Variants in LRRC4C observed in about 807,000 individuals in gnomAD.
The protein encoded by LRRC4C is leucine-rich repeat-containing protein 4C.
In LRRC4C, 5 loss-of-function variants were observed where a neutral mutation model predicts 33.6. The observed-to-expected ratio is 0.15, with a 90% CI of 0.08 to 0.31. The LOEUF is 0.31. LRRC4C is among the 10% of genes least tolerant of loss of function. The probability of loss-of-function intolerance (pLI) is 1.00; values close to 1 mark genes in which losing one functional copy is unlikely to be tolerated. For missense variants in LRRC4C, 560 were observed against 796.7 expected (o/e 0.70, Z 3.58); for synonymous variants, 329 against 302.0 (o/e 1.09, Z -0.93).
intron 2 of LRRC4C, among the ~76,000 whole-genome samples, chr11:40,678,827 G>T (rs1054775933): frequency 1.3e-5 from 2 of 152,124 alleles, no homozygotes; most frequent in Non-Finnish European, 2.9e-5. Context: ...TTTATTAGCA[G>T]CATGAGAACG....
intron 3 of LRRC4C, among the ~76,000 whole-genome samples, chr11:40,538,214 C>T (rs1468276708): frequency 6.6e-6 from 1 of 152,098 alleles, no homozygotes; most frequent in Non-Finnish European, 1.5e-5. Flanking sequence ...CTGCCGCTCT[C>T]ATCACTCTGA....
At chr11:40,349,330 C>G (rs915884244) in intron 3 of LRRC4C, among the ~76,000 whole-genome samples, 1 of 152,016 alleles carries the variant, frequency 6.6e-6, no homozygotes, top group Admixed American at 6.6e-5. Context: ...TTTGTCTTTC[C>G]GTGTCAGGCT....
intron 3 of LRRC4C, among the ~76,000 whole-genome samples, chr11:40,537,621 G>GC (rs1956530709): frequency 1.3e-5 from 2 of 152,006 alleles, no homozygotes; most frequent in Non-Finnish European, 2.9e-5. Flanking sequence ...AGGAAGTTTG[G>GC]CCCCTACCCC....
intron 2 of LRRC4C, among the ~76,000 whole-genome samples, chr11:40,716,137 T>C (rs1028525839): frequency 2.6e-5 from 4 of 151,934 alleles, no homozygotes; most frequent in African/African-American, 9.7e-5. Flanking sequence ...GAAATTCAAA[T>C]GCCACTCAAA....
intron 1 of LRRC4C, among the ~76,000 whole-genome samples, chr11:41,036,283 C>T (rs1460783288): frequency 1.3e-5 from 2 of 152,004 alleles, no homozygotes; most frequent in Admixed American, 1.3e-4. Flanking sequence ...TTTTAAGATG[C>T]TAGGCAATGA....
At chr11:41,420,028 G>A (rs972807455) in intron 1 of LRRC4C, among the ~76,000 whole-genome samples, 1 of 151,854 alleles carries the variant, frequency 6.6e-6, no homozygotes, top group Non-Finnish European at 1.5e-5. Flanking sequence ...TCGATGCGGT[G>A]GGAGAAGTGC....
Position 40,580,249 on chromosome 11 carries a change from G to A in LRRC4C, c.-270+67893C>T, listed in dbSNP as rs565833241. 6.3e-4 allele frequency among the ~76,000 whole-genome samples: 96 copies of A among 152,242 alleles called. 1 individual carries two copies. Among genetic ancestry groups the A allele is most frequent in the African/African-American group, 2.2e-3 (92 of 41,538 alleles). On this transcript the variant is annotated intron_variant, in intron 3 of 6. Transcript: ENST00000528697. ...GAGGCCTCAGGAAACTTACAATCAT[G>A]GTGGAAGGTGAAGGGGAAGCAAGGA...
At chr11:40,638,561 G>A (rs1175618124) in intron 3 of LRRC4C, among the ~76,000 whole-genome samples, 1 of 152,158 alleles carries the variant, frequency 6.6e-6, no homozygotes, top group African/African-American at 2.4e-5. Context: ...GAAGCAGATG[G>A]TGATTGCTAT....
At position 40,802,219 on chromosome 11, in the gene LRRC4C, T is replaced by C. The variant is rs551238384; in HGVS notation, c.-407+131416A>G. 4.6e-5 allele frequency among the ~76,000 whole-genome samples: 7 copies of C among 152,294 alleles called. No individual in the cohort carries two copies. The South Asian group carries it at 1.5e-3, about 32-fold the overall frequency. ...CTGCACACATTAGGAGATGTCCTTATTGTAAAATTATATAAGACCAAAATT... is the reference window on the plus strand; with the variant it reads ...CTGCACACATTAGGAGATGTCCTTACTGTAAAATTATATAAGACCAAAATT... On this transcript the variant is annotated intron_variant, in intron 2 of 6. Transcript: ENST00000528697.
At chr11:40,398,162 A>G (rs1347142688) in intron 3 of LRRC4C, among the ~76,000 whole-genome samples, 1 of 152,082 alleles carries the variant, frequency 6.6e-6, no homozygotes, top group Non-Finnish European at 1.5e-5. Flanking sequence ...AAAGATGACT[A>G]TGATAGCTTG....
At chr11:40,910,909 T>C (rs1178299669) in intron 2 of LRRC4C, among the ~76,000 whole-genome samples, 1 of 152,224 alleles carries the variant, frequency 6.6e-6, no homozygotes, top group African/African-American at 2.4e-5. Context: ...ATCCCATGCC[T>C]GGCTTGGAGG....
intron 3 of LRRC4C, among the ~76,000 whole-genome samples, chr11:40,562,799 G>C (rs1378849512): frequency 6.6e-6 from 1 of 152,140 alleles, no homozygotes; most frequent in Non-Finnish European, 1.5e-5. Flanking sequence ...GTGGGTATTA[G>C]AACCGAACAA....
At chr11:41,086,812 C>T (rs1396978799) in intron 1 of LRRC4C, among the ~76,000 whole-genome samples, 1 of 151,272 alleles carries the variant, frequency 6.6e-6, no homozygotes, top group South Asian at 2.1e-4. Context: ...AAGTTTACTG[C>T]TAAAGTTTGA....
At chr11:40,155,298 A>C (rs1858591221) in intron 5 of LRRC4C, among the ~76,000 whole-genome samples, 1 of 152,138 alleles carries the variant, frequency 6.6e-6, no homozygotes, top group Non-Finnish European at 1.5e-5. Flanking sequence ...CACCTCAAGA[A>C]ACTAGAAAAA....
chr11:41,239,244 C>T (rs1948149803), intron 1 of LRRC4C, among the ~76,000 whole-genome samples: 1 of 146,926 alleles, frequency 6.8e-6, no homozygotes. Context: ...ATGGCATGAA[C>T]CCAAGAGGCG....
At chr11:40,753,736 A>C (rs1948809254) in intron 2 of LRRC4C, among the ~76,000 whole-genome samples, 1 of 151,880 alleles carries the variant, frequency 6.6e-6, no homozygotes, top group Non-Finnish European at 1.5e-5. Context: ...TTCTTTACAC[A>C]TTTTGATTGT....
intron 1 of LRRC4C, among the ~76,000 whole-genome samples, chr11:41,271,108 A>G (rs1041165494): frequency 6.6e-5 from 10 of 152,222 alleles, no homozygotes; most frequent in Admixed American, 4.6e-4. Context: ...ACCAGGTAGG[A>G]CTAGGACATA....
intron 1 of LRRC4C, among the ~76,000 whole-genome samples, chr11:41,374,512 T>A (rs1037901873): frequency 6.6e-6 from 1 of 152,066 alleles, no homozygotes; most frequent in Admixed American, 6.5e-5. Flanking sequence ...ATGTAGAAGA[T>A]GAAACACAAC....
At chr11:40,749,305 T>A (rs7942227) in intron 2 of LRRC4C, among the ~76,000 whole-genome samples, 1 of 151,978 alleles carries the variant, frequency 6.6e-6, no homozygotes, top group Non-Finnish European at 1.5e-5. Flanking sequence ...ATGAGATTAA[T>A]ACCAAGAGGC....
Sources: allele counts gnomAD v4.1 joint callset (sites outside exome capture counted in the v4.1 genomes callset), GRCh38; gene constraint gnomAD v4.1.1; transcripts MANE v1.5; gene names NCBI Gene and HGNC (gene_info 2026-07-23, HGNC 2026-07-21).